Variants in HDX observed in about 807,000 individuals in gnomAD.
HDX encodes highly divergent homeobox.
In HDX, 19 loss-of-function variants were observed where a neutral mutation model predicts 45.2. That is an observed-to-expected ratio of 0.42 (90% confidence interval 0.29 to 0.62). The LOEUF (loss-of-function observed/expected upper bound fraction) is 0.62, where lower values mean the gene tolerates loss of function less well. HDX is among the 20% of genes least tolerant of loss of function. The pLI is 0.20. For missense variants in HDX, 532 were observed against 493.9 expected (o/e 1.08, Z -0.73); for synonymous variants, 188 against 172.8 (o/e 1.09, Z -0.69).
At chrX:84,409,885 TA>T (rs201145449) in intron 5 of HDX, among the ~76,000 whole-genome samples, 11,492 of 104,017 alleles carry the variant, frequency 0.11, 616 homozygotes, top group South Asian at 0.26. Flanking sequence ...TAATAAAATT[TA>T]AAAAAAAAGA....
intron 5 of HDX, among the ~76,000 whole-genome samples, chrX:84,412,726 G>A (rs895677279): frequency 1.8e-5 from 2 of 111,925 alleles, no homozygotes; most frequent in African/African-American, 6.5e-5. Context: ...CTCCAAAGAG[G>A]TTGGGGAATT....
chrX:84,326,080 A>T (rs1284700030), intron 10 of HDX, 98 bp downstream of exon 10: 2 of 792,664 alleles, frequency 2.5e-6, no homozygotes, highest in Non-Finnish European at 3.8e-6. Flanking sequence ...GCCAAGCAGA[A>T]ATGAAGTATT....
intron 5 of HDX, among the ~76,000 whole-genome samples, chrX:84,399,813 A>G (rs1421998348): frequency 1.8e-5 from 2 of 111,860 alleles, no homozygotes; most frequent in Admixed American, 1.9e-4. Context: ...AAAATCCTCA[A>G]TAAAATACTG....
chrX:84,469,477 G>A lies in HDX; in HGVS notation c.246C>T (p.Val82=). 3 of 1,210,549 alleles carry A rather than the reference G, an allele frequency of 2.5e-6. No homozygotes were observed. The highest frequency in any genetic ancestry group is 4.4e-5 in the Admixed American group (2 of 45,951). ...GTSLSAPDIT[V]RNVVNIARPS... is the part of the protein sequence containing the mutation. ...GTCGAGCAATATTAACCACATTTCT[G>A]ACTGTGATGTCTGGAGCTGACAAAG... is the stretch of plus-strand genomic sequence containing the variant. Residue 82 remains valine (V), a synonymous_variant, in exon 4 of 11, where the codon GTC becomes GTT. Transcript: ENST00000373177.
chrX:84,370,272 A>C (rs1020885774), intron 5 of HDX, among the ~76,000 whole-genome samples: 3 of 111,557 alleles, frequency 2.7e-5, no homozygotes, highest in Admixed American at 9.6e-5. Context: ...CCTCGTTCGC[A>C]GGCCTTTGGA....
chrX:84,478,653 A>T (rs1052768802), intron 2 of HDX, among the ~76,000 whole-genome samples: 1 of 111,822 alleles, frequency 8.9e-6, no homozygotes, highest in African/African-American at 3.3e-5. Context: ...CAGGAATTTG[A>T]AACCAGCTTG....
At chrX:84,440,494 G>C in intron 5 of HDX, 38 bp downstream of exon 5, 1 of 993,734 alleles carries the variant, frequency 1.0e-6, no homozygotes, top group East Asian at 3.1e-5. Flanking sequence ...CAGCACAAGG[G>C]GAAACCCATT....
chrX:84,420,577 A>G (rs1269112978), intron 5 of HDX, among the ~76,000 whole-genome samples: 1 of 112,112 alleles, frequency 8.9e-6, no homozygotes. Context: ...AATTTATTCA[A>G]TGGGACAATA....
Position 84,383,398 on chromosome X carries a change from T to G in HDX, c.1306-21786A>C, listed in dbSNP as rs187662231. Among the ~76,000 whole-genome samples the G allele has an allele frequency of 4.4e-3, 490 of 111,835 alleles. 2 individuals are homozygous for G. Among genetic ancestry groups the G allele is most frequent in the South Asian group, 0.03 (82 of 2,733 alleles). ...TTTATAAACAATTTCCAAAATAATGTGTAGTATGTATAGTTTATTCTGTAA... is the reference window on the plus strand; with the variant it reads ...TTTATAAACAATTTCCAAAATAATGGGTAGTATGTATAGTTTATTCTGTAA... On this transcript the variant is annotated intron_variant, in intron 5 of 10. Coordinates refer to ENST00000373177, the MANE Select transcript of HDX (RefSeq NM_001177479.2).
chrX:84,349,401 ATATGTGTGTGTGTGTG>A (rs925079494), intron 6 of HDX, among the ~76,000 whole-genome samples: 1 of 88,134 alleles, frequency 1.1e-5, no homozygotes, highest in Non-Finnish European at 2.2e-5. Context: ...TTATATATAT[ATATGTGTGTGTGTGTG>A]TGTGTGTGTG....
chrX:84,364,470 A>G (rs1187298833), intron 5 of HDX, among the ~76,000 whole-genome samples: 1 of 102,701 alleles, frequency 9.7e-6, no homozygotes, highest in East Asian at 3.1e-4. Context: ...GTCGTACAGC[A>G]GATCTCTAGA....
chrX:84,436,465 C>G (rs1346909092), intron 5 of HDX, among the ~76,000 whole-genome samples: 3 of 111,556 alleles, frequency 2.7e-5, no homozygotes, highest in Non-Finnish European at 5.7e-5. Context: ...ACATTTATTG[C>G]TATTAACTTG....
At chrX:84,349,791 A>G (rs2037298341) in intron 6 of HDX, among the ~76,000 whole-genome samples, 1 of 108,481 alleles carries the variant, frequency 9.2e-6, no homozygotes, top group African/African-American at 3.4e-5. Flanking sequence ...ACAGGCCATT[A>G]TTCTAAGTGA....
intron 6 of HDX, among the ~76,000 whole-genome samples, chrX:84,350,224 A>G (rs994877084): frequency 2.7e-5 from 3 of 111,257 alleles, no homozygotes; most frequent in African/African-American, 9.8e-5. Flanking sequence ...GATTTTTAAA[A>G]TTTATTGAGG....
chrX:84,384,545 G>GT lies in HDX; in HGVS notation c.1306-22934dup, dbSNP rs60863385. 1.3e-3 allele frequency among the ~76,000 whole-genome samples: 121 copies of GT among 93,312 alleles called. 1 individual carries two copies. The highest frequency in any genetic ancestry group is 4.3e-3 in the African/African-American group (113 of 26,237). The allele number at this position is 93,312 out of a possible 115,157, so 81.0% of individuals were successfully genotyped here. On this transcript the variant is annotated intron_variant, in intron 5 of 10. Coordinates refer to ENST00000373177, the MANE Select transcript of HDX (RefSeq NM_001177479.2). ...AGTTTAATTAGGTCCCACTTGTCAA[G>GT]TTTTTTTTTTTTTTTCTGTAATTGC...
intron 9 of HDX, 86 bp from the exon 10 acceptor site, chrX:84,326,386 C>T: frequency 1.5e-6 from 1 of 675,946 alleles, no homozygotes; most frequent in Admixed American, 3.2e-5. Context: ...TTCTAAAAAA[C>T]CATCAAATTA....
chrX:84,376,802 C>T (rs2038067370), intron 5 of HDX, among the ~76,000 whole-genome samples: 1 of 112,334 alleles, frequency 8.9e-6, no homozygotes, highest in Non-Finnish European at 1.9e-5. Flanking sequence ...ACCTCTGGAC[C>T]CACCTGGGGC....
intron 4 of HDX, among the ~76,000 whole-genome samples, chrX:84,456,556 G>A (rs1332631746): frequency 9.0e-6 from 1 of 110,978 alleles, no homozygotes; most frequent in Non-Finnish European, 1.9e-5. Context: ...AATGTAAATG[G>A]ACTAAACTCT....
rs370793386 is a variant in HDX at position 84,327,735 on chromosome X, A to G, written c.1825-1435T>C. Among the ~76,000 whole-genome samples, 241 of 111,934 alleles carry G rather than the reference A, an allele frequency of 2.2e-3. 2 individuals carry two copies. The highest frequency in any genetic ancestry group is 7.4e-3 in the African/African-American group (228 of 30,849). Reference sequence around the variant, plus strand: ...AAATCTTCGTTACCTTGGGTTAGGCAAAAAGTTTCTTAAATAGAACACAAA... The same window carrying G: ...AAATCTTCGTTACCTTGGGTTAGGCGAAAAGTTTCTTAAATAGAACACAAA... On this transcript the variant is annotated intron_variant, in intron 9 of 10. Transcript: ENST00000373177.
Sources: allele counts gnomAD v4.1 joint callset (sites outside exome capture counted in the v4.1 genomes callset), GRCh38; gene constraint gnomAD v4.1.1; transcripts MANE v1.5; gene names NCBI Gene and HGNC (gene_info 2026-07-23, HGNC 2026-07-21).